The following RORB variants were observed in gnomAD, a reference collection of about 807,000 sequenced individuals.
RORB encodes RAR related orphan receptor B, also known as nuclear receptor ROR-beta.
A neutral mutation model predicts 59.1 loss-of-function variants in RORB; 6 were observed. That is an observed-to-expected ratio of 0.10 (90% confidence interval 0.06 to 0.20). The LOEUF is 0.20. Among genes scored for constraint, RORB ranks in the 10% least tolerant of loss-of-function variants. RORB has a pLI of 1.00. For missense variants in RORB, 320 were observed against 560.5 expected (o/e 0.57, Z 4.33); for synonymous variants, 215 against 204.5 (o/e 1.05, Z -0.44).
At chr9:74,681,156 C>T (rs1346523745) in intron 9 of RORB, among the ~76,000 whole-genome samples, 1 of 152,204 alleles carries the variant, frequency 6.6e-6, no homozygotes, top group Admixed American at 6.5e-5. Context: ...TGACTACCCC[C>T]TCCATCTCCA....
chr9:74,663,325 T>A (rs1400093075), intron 6 of RORB, among the ~76,000 whole-genome samples: 1 of 152,212 alleles, frequency 6.6e-6, no homozygotes. Context: ...TGTTTCCCTA[T>A]GACATCTCAA....
At chr9:74,590,934 T>C (rs1250339081) in intron 1 of RORB, among the ~76,000 whole-genome samples, 1 of 152,134 alleles carries the variant, frequency 6.6e-6, no homozygotes, top group Non-Finnish European at 1.5e-5. Flanking sequence ...TAGCTGGGAC[T>C]ACAGGCGCAT....
intron 4 of RORB, among the ~76,000 whole-genome samples, chr9:74,651,056 T>A (rs1283538371): frequency 6.6e-6 from 1 of 152,216 alleles, no homozygotes; most frequent in East Asian, 1.9e-4. Flanking sequence ...ACCCATTGGT[T>A]GTCCTTTGGT....
chr9:74,656,512 G>A (rs1824084071), intron 4 of RORB, among the ~76,000 whole-genome samples: 1 of 152,216 alleles, frequency 6.6e-6, no homozygotes, highest in African/African-American at 2.4e-5. Context: ...AAGGTGGGCA[G>A]ATCGCCTGAG....
At chr9:74,682,078 T>C (rs1385297028) in intron 9 of RORB, among the ~76,000 whole-genome samples, 7 of 152,010 alleles carry the variant, frequency 4.6e-5, no homozygotes, top group African/African-American at 1.4e-4. Context: ...AAGAGAGATA[T>C]CTCAGACTGT....
intron 1 of RORB, among the ~76,000 whole-genome samples, chr9:74,584,570 T>C (rs894421939): frequency 4.6e-5 from 7 of 152,204 alleles, no homozygotes; most frequent in African/African-American, 1.7e-4. Context: ...ACTTTCACCA[T>C]GCCGTTTATT....
chr9:74,555,221 A>G (rs1490915004), intron 1 of RORB, among the ~76,000 whole-genome samples: 1 of 152,210 alleles, frequency 6.6e-6, no homozygotes, highest in Non-Finnish European at 1.5e-5. Flanking sequence ...TCACAGACGC[A>G]GGGCACTGTG....
intron 3 of RORB, among the ~76,000 whole-genome samples, chr9:74,636,504 TAAA>T (rs1416254203): frequency 2.6e-5 from 4 of 152,042 alleles, no homozygotes; most frequent in African/African-American, 9.7e-5. Context: ...TCCCGTAACA[TAAA>T]AGAAATGTGT....
At chr9:74,545,169 T>C (rs1274054476) in intron 1 of RORB, among the ~76,000 whole-genome samples, 1 of 151,904 alleles carries the variant, frequency 6.6e-6, no homozygotes. Context: ...GATAGCTATC[T>C]AGTTAACTAG....
intron 1 of RORB, among the ~76,000 whole-genome samples, chr9:74,597,487 T>C (rs1822985901): frequency 6.6e-6 from 1 of 152,266 alleles, no homozygotes; most frequent in South Asian, 2.1e-4. Flanking sequence ...ATTTAAAATA[T>C]TTTCCATTAA....
At chr9:74,570,445 T>A (rs187437216) in intron 1 of RORB, among the ~76,000 whole-genome samples, 129 of 152,248 alleles carry the variant, frequency 8.5e-4, no homozygotes, top group Non-Finnish European at 1.2e-3. Context: ...CACAATATGT[T>A]TATTTTTTTA....
chr9:74,505,696 T>C (rs1319276125), intron 1 of RORB, among the ~76,000 whole-genome samples: 1 of 152,112 alleles, frequency 6.6e-6, no homozygotes. Context: ...AATTTGTTCA[T>C]CATAAATGAG....
At position 74,518,852 on chromosome 9, in the gene RORB, A is replaced by T. The variant is rs1380244605; in HGVS notation, c.7+20869A>T. Among the ~76,000 whole-genome samples, 7 of 151,972 alleles carry T rather than the reference A, an allele frequency of 4.6e-5. No individual in the cohort carries two copies. The East Asian group carries it at 1.2e-3, about 25-fold the overall frequency. On this transcript the variant is annotated intron_variant, in intron 1 of 9. Transcript: ENST00000376896. ...AACTACAGTGTCCTTTGTGATTTTA[A>T]AGTCTAGTAGACCTGTCCCCTAAAA...
chr9:74,534,732 C>G (rs550437537), intron 1 of RORB, among the ~76,000 whole-genome samples: 2 of 152,148 alleles, frequency 1.3e-5, no homozygotes, highest in South Asian at 2.1e-4. Context: ...TGCTGCACCC[C>G]CTATGGTGGA....
intron 1 of RORB, among the ~76,000 whole-genome samples, chr9:74,567,532 A>G (rs562953576): frequency 9.9e-5 from 15 of 152,238 alleles, no homozygotes; most frequent in African/African-American, 2.9e-4. Context: ...AAGTTCCCCA[A>G]TGTCACAGCT....
chr9:74,515,586 C>T (rs1421926250), intron 1 of RORB, among the ~76,000 whole-genome samples: 1 of 151,968 alleles, frequency 6.6e-6, no homozygotes, highest in Non-Finnish European at 1.5e-5. Flanking sequence ...TCTAAAATAG[C>T]TGAGTCTTTC....
At chr9:74,623,691 G>T (rs112864098) in intron 1 of RORB, among the ~76,000 whole-genome samples, 2 of 152,130 alleles carry the variant, frequency 1.3e-5, no homozygotes, top group African/African-American at 4.8e-5. Flanking sequence ...TGAGTGAGTC[G>T]TGGTAGTCTG....
At position 74,509,086 on chromosome 9, in the gene RORB, T is replaced by A. The variant is rs189201191; in HGVS notation, c.7+11103T>A. 3.3e-5 allele frequency among the ~76,000 whole-genome samples: 5 copies of A among 152,124 alleles called. No homozygotes were observed. The East Asian group carries it at 9.7e-4, about 29-fold the overall frequency. On this transcript the variant is annotated intron_variant, in intron 1 of 9. Transcript: ENST00000376896. ...AACTCTCACCAGTGTTTTGACCACA[T>A]GAAGAATAGAGAATAATACAGTAAA... is the stretch of plus-strand genomic sequence containing the variant.
intron 1 of RORB, among the ~76,000 whole-genome samples, chr9:74,520,209 A>G (rs1035312233): frequency 6.6e-6 from 1 of 151,972 alleles, no homozygotes; most frequent in African/African-American, 2.4e-5. Flanking sequence ...AGACCTAGAC[A>G]TTCTTATTCT....
Sources: gnomAD v4.1 joint callset for allele counts (sites outside exome capture counted in the v4.1 genomes callset) on GRCh38, gnomAD v4.1.1 for gene constraint, MANE v1.5 for transcripts, NCBI Gene and HGNC (gene_info 2026-07-23, HGNC 2026-07-21) for gene names.